The following MATN1 variants were observed in gnomAD, a reference collection of about 807,000 sequenced individuals.
MATN1 encodes the protein matrilin 1, also known as matrilin-1.
In MATN1, 34 loss-of-function variants were observed where a neutral mutation model predicts 41.3. That is an observed-to-expected ratio of 0.82 (90% CI 0.63 to 1.10). The LOEUF (loss-of-function observed/expected upper bound fraction) is 1.10, where lower values mean the gene tolerates loss of function less well. Among genes scored for constraint, MATN1 ranks in the 50% least tolerant of loss-of-function variants. The pLI, the probability that MATN1 is intolerant of heterozygous loss-of-function variation, is 0.00. For synonymous variants in MATN1, 264 were observed against 278.7 expected, an observed-to-expected ratio of 0.95 and a Z score of 0.53; for missense variants, 602 against 662.4, an observed-to-expected ratio of 0.91 and a Z score of 1.00.
At chr1:30,715,435 G>T in intron 5 of MATN1, 126 bp from the exon 6 acceptor site, 1 of 819,528 alleles carries the variant, frequency 1.2e-6, no homozygotes, top group Non-Finnish European at 2.0e-6. Context: ...GGAATTGCAA[G>T]CACAATGCCT....
intron 2 of MATN1, chr1:30,720,379 G>A (rs1639681505): frequency 6.6e-6 from 1 of 152,256 alleles, no homozygotes; most frequent in Non-Finnish European, 1.5e-5. Flanking sequence ...CTTGTAGTTG[G>A]CCCCAAGACC....
rs370621391 is a variant in MATN1, at chr1:30,718,955, C to T, written c.444G>A (p.Val148=). 2.9e-4 allele frequency: 440 copies of T among 1,499,722 alleles called. 1 individual carries two copies. The African/African-American group carries it at 5.5e-3, about 19-fold the overall frequency. The allele number at this position is 1,499,722 out of a possible 1,614,324, so 92.9% of individuals were successfully genotyped here. A position where few individuals can be genotyped will look rare whatever the true frequency, so the allele number is the denominator to read the frequency against. ...GCCTCCCGTCTGTCACCACGATGAC[C>T]ACCTGCGACACGCGGGGCGGTGTGA... ...GRSRSPDISK[V]VIVVTDGRPQ... Residue 148 remains valine, a splice_region_variant and synonymous_variant, in exon 3 of 8, where the codon GTG becomes GTA. Transcript: ENST00000373765.
In MATN1 at chr1:30,721,693, G is replaced by A. The variant is rs781566373; in HGVS notation, c.153C>T (p.Ser51=). ...CTTTCTCAAATTCAACAGGCCGAAC[G>A]CTGCGAGAGCTGTCGACAACAAACA... The part of the protein sequence containing the change: ...DLVFVVDSSR[S]VRPVEFEKVK... Residue 51 remains serine (S), a synonymous_variant, in exon 2 of 8, where the codon AGC becomes AGT. Coordinates refer to ENST00000373765, the MANE Select transcript of MATN1 (RefSeq NM_002379.3). The A allele has an allele frequency of 6.0e-5, 97 of 1,613,124 alleles. No individual in the cohort carries two copies. Among genetic ancestry groups the A allele is most frequent in the South Asian group, 3.4e-4 (31 of 91,086 alleles).
In MATN1 at chr1:30,716,044, G is replaced by C. The variant is rs1458581163; in HGVS notation, c.1072C>G (p.Leu358Val). Residue 358 changes from leucine (L) to valine (V), a missense_variant, in exon 5 of 8, where the codon CTC becomes GTC. Transcript: ENST00000373765. ...AAGGAATTGTCAATGAGGTACTTGA[G>C]AGCAGCCCCAGTCATTGTGCCCTTC... ...MEKGTMTGAALKYLIDNSFTV... is the reference protein window; with the variant it reads ...MEKGTMTGAAVKYLIDNSFTV... The C allele has an allele frequency of 3.7e-6, 6 of 1,614,134 alleles. No individual in the cohort carries two copies. Among genetic ancestry groups the C allele is most frequent in the Non-Finnish European group, 4.2e-6 (5 of 1,180,062 alleles).
rs548661118 is a variant in MATN1 at position 30,714,228 on chromosome 1, C to G, written c.1441+19G>C. On this transcript the variant is annotated intron_variant, in intron 7 of 7. Transcript: ENST00000373765. ...GCCTGCGCCCCTCCCCAGCCCCAGCCCCCTCTGGGAAGGGATATGTTTCCT... is the reference window on the plus strand; with the variant it reads ...GCCTGCGCCCCTCCCCAGCCCCAGCGCCCTCTGGGAAGGGATATGTTTCCT... 3.8e-6 allele frequency: 6 copies of G among 1,581,870 alleles called. No individual in the cohort carries two copies. In the South Asian group the frequency reaches 6.9e-5, roughly 18 times the overall value.
intron 7 of MATN1, 200 bp downstream of exon 7, chr1:30,714,047 T>G: frequency 1.7e-6 from 1 of 599,902 alleles, no homozygotes; most frequent in Admixed American, 2.9e-5. Context: ...CTCATTTTCT[T>G]GTTTACCTTC....
Position 30,718,792 on chromosome 1 carries a change from C to A in MATN1, c.607G>T (p.Val203Leu). Residue 203 changes from valine (V) to leucine (L), a missense_variant, in exon 3 of 8, where the codon GTG (valine) becomes TTG (leucine). Physicochemically the swap from Val to Leu is conservative, Grantham distance 32. Transcript: ENST00000373765. ...TTCTCGATGACGCTGTAGCTCTCCA[C>A]GTAATCGACGTGTTCGTCCTGCGGC... ...SEPQDEHVDY[V>L]ESYSVIEKLS... 1.9e-6 allele frequency: 3 copies of A among 1,610,538 alleles called. No individual in the cohort carries two copies. The highest frequency in any genetic ancestry group is 2.5e-6 in the Non-Finnish European group (3 of 1,178,670).
At chr1:30,714,080 G>T (rs961453152) in intron 7 of MATN1, 167 bp downstream of exon 7, 1 of 628,106 alleles carries the variant, frequency 1.6e-6, no homozygotes, top group Non-Finnish European at 2.9e-6. Context: ...CTTTTGACAG[G>T]GTGTGCACCC....
In MATN1 at chr1:30,713,271, C is replaced by G; in HGVS notation, c.*311G>C. The G allele has an allele frequency of 2.5e-6, 1 of 400,690 alleles. No homozygotes were observed. The highest frequency in any genetic ancestry group is 4.6e-6 in the Non-Finnish European group (1 of 217,932). The allele number at this position is 400,690 out of a possible 1,614,324, so 24.8% of individuals were successfully genotyped here. A position where few individuals can be genotyped will look rare whatever the true frequency, so the allele number is the denominator to read the frequency against. ...CTAAAAAAGATGGGAATATATTAAGCTTTTGATTATAAAAATGCAAACGCA... is the reference window on the plus strand; with the variant it reads ...CTAAAAAAGATGGGAATATATTAAGGTTTTGATTATAAAAATGCAAACGCA... On this transcript the variant is annotated 3_prime_UTR_variant, in exon 8 of 8. Coordinates refer to ENST00000373765, the MANE Select transcript of MATN1 (RefSeq NM_002379.3).
At chr1:30,723,336 C>T (rs1041991407) in intron 1 of MATN1, 122 bp downstream of exon 1, 17 of 701,926 alleles carry the variant, frequency 2.4e-5, no homozygotes, top group Middle Eastern at 7.9e-4. Context: ...CCACCACTGC[C>T]GCCCTGCTCC....
Position 30,713,199 on chromosome 1 carries a change from G to A in MATN1, c.*383C>T. On this transcript the variant is annotated 3_prime_UTR_variant, in exon 8 of 8. Transcript: ENST00000373765. Reference sequence around the variant, plus strand: ...TAATTGTTTCTCACCGGAGAATAGAGAAATCAGTAAAGAAATTCACAGCAC... The same window carrying A: ...TAATTGTTTCTCACCGGAGAATAGAAAAATCAGTAAAGAAATTCACAGCAC... 1 of 223,612 alleles carries A rather than the reference G, an allele frequency of 4.5e-6. No individual in the cohort carries two copies. Among genetic ancestry groups the A allele is most frequent in the Non-Finnish European group, 9.1e-6 (1 of 109,384 alleles). The allele number at this position is 223,612 out of a possible 1,614,324, so 13.9% of individuals were successfully genotyped here.
chr1:30,716,686 G>C, intron 4 of MATN1, 104 bp downstream of exon 4: 1 of 1,461,626 alleles, frequency 6.8e-7, no homozygotes, highest in South Asian at 1.3e-5. Flanking sequence ...TTGAAGATTG[G>C]TTCAGAGGTA....
chr1:30,716,470 G>T, intron 4 of MATN1, 145 bp from the exon 5 acceptor site: 2 of 844,316 alleles, frequency 2.4e-6, no homozygotes, highest in Non-Finnish European at 3.6e-6. Context: ...AAGCCAAGGT[G>T]ACTGGTCCCA....
In MATN1 at chr1:30,716,203, G is replaced by C. The variant is rs1203751718; in HGVS notation, c.913C>G (p.Leu305Val). Residue 305 changes from leucine to valine, a missense_variant, in exon 5 of 8, where the codon CTG becomes GTG. Leu to Val is a conservative substitution (Grantham distance 32). Coordinates refer to ENST00000373765, the MANE Select transcript of MATN1 (RefSeq NM_002379.3). ...KKFISQIVDT[L>V]DVSDKLAQVG... The stretch of plus-strand genomic sequence containing the variant: ...TGGGCCAGCTTGTCTGACACGTCCA[G>C]CGTATCCACGATCTGACTGATGAAC... The C allele has an allele frequency of 6.2e-7, 1 of 1,614,098 alleles. No homozygotes were observed. Among genetic ancestry groups the C allele is most frequent in the Non-Finnish European group, 8.5e-7 (1 of 1,180,044 alleles).
intron 2 of MATN1, chr1:30,721,190 G>A: frequency 1.7e-6 from 1 of 582,738 alleles, no homozygotes; most frequent in Non-Finnish European, 3.0e-6. Flanking sequence ...CTCCTAGGAT[G>A]GAAAGGTTGG....
Position 30,716,230 on chromosome 1 carries a change from TC to T in MATN1, c.885del (p.Lys296SerfsTer58). The T allele has an allele frequency of 6.2e-7, 1 of 1,614,184 alleles. No homozygotes were observed. The highest frequency in any genetic ancestry group is 8.5e-7 in the Non-Finnish European group (1 of 1,180,032). On this transcript the variant is annotated frameshift_variant, in exon 5 of 8. Coordinates refer to ENST00000373765, the MANE Select transcript of MATN1 (RefSeq NM_002379.3). LOFTEE classifies it high-confidence loss of function. ...SVRPENFELV[K>X]KFISQIVDTL... ...GTATCCACGATCTGACTGATGAACT[TC>T]TTCACCAGCTCAAAGTTCTCTGGCC...
chr1:30,714,970 C>T (rs995677364), intron 6 of MATN1, among the ~76,000 whole-genome samples, 187 bp downstream of exon 6: 1 of 152,242 alleles, frequency 6.6e-6, no homozygotes, highest in Non-Finnish European at 1.5e-5. Flanking sequence ...CTGCCAGCCA[C>T]GTAACGAGCA....
rs1639556093 is a variant in MATN1 at position 30,712,289 on chromosome 1, AG to A, written c.*1292del. 1 of 152,274 alleles carries A rather than the reference AG, an allele frequency of 6.6e-6. No individual in the cohort carries two copies. Among genetic ancestry groups the A allele is most frequent in the Admixed American group, 6.5e-5 (1 of 15,284 alleles). 9.4% of individuals were successfully genotyped at this position (152,274 alleles called of 1,614,324 possible). A position where few individuals can be genotyped will look rare whatever the true frequency, so the allele number is the denominator to read the frequency against. On this transcript the variant is annotated 3_prime_UTR_variant, in exon 8 of 8. Transcript: ENST00000373765. ...GCCTGGGGGAGGTGGCCGAGATCTC[AG>A]GGTGTGACCTGCAGACCCCACATAG...
In MATN1 at chr1:30,715,324, A is replaced by G. The variant is rs777770806; in HGVS notation, c.1208-15T>C. The G allele has an allele frequency of 1.2e-6, 2 of 1,613,590 alleles. No individual in the cohort carries two copies. Among genetic ancestry groups the G allele is most frequent in the African/African-American group, 1.3e-5 (1 of 75,068 alleles). ...CATCTTAAAGCCTGCCAGGAGGAAC[A>G]GGAGAAGTAAGGCTGGACATGGGGA... On this transcript the variant is annotated splice_polypyrimidine_tract_variant and intron_variant, in intron 5 of 7. Coordinates refer to ENST00000373765, the MANE Select transcript of MATN1 (RefSeq NM_002379.3).
Sources: allele counts gnomAD v4.1 joint callset (sites outside exome capture counted in the v4.1 genomes callset), GRCh38; gene constraint gnomAD v4.1.1; transcripts MANE v1.5; gene names NCBI Gene and HGNC (gene_info 2026-07-23, HGNC 2026-07-21).